ADAMTS6: variants seen among roughly 807,000 people sequenced by gnomAD.
ADAMTS6 encodes ADAM metallopeptidase with thrombospondin type 1 motif 6, also known as A disintegrin and metalloproteinase with thrombospondin motifs 6.
In ADAMTS6, 23 loss-of-function variants were observed where a neutral mutation model predicts 144.3. The ratio of observed to expected loss-of-function variants is 0.16; its 90% CI spans 0.11 to 0.23. ADAMTS6 has a LOEUF of 0.23. Among genes scored for constraint, ADAMTS6 ranks in the 10% least tolerant of loss-of-function variants. ADAMTS6 has a pLI of 1.00. For missense variants in ADAMTS6, 999 were observed against 1,379.6 expected (o/e 0.72, Z 4.37); for synonymous variants, 444 against 457.5 (o/e 0.97, Z 0.38).
chr5:65,445,654 T>C (rs995554283), intron 7 of ADAMTS6, among the ~76,000 whole-genome samples: 3 of 152,104 alleles, frequency 2.0e-5, no homozygotes, highest in Non-Finnish European at 4.4e-5. Flanking sequence ...CCTCTTTCAC[T>C]CTTAAAAGTG....
chr5:65,319,033 AAAT>A (rs945033247), intron 9 of ADAMTS6, among the ~76,000 whole-genome samples: 10 of 152,120 alleles, frequency 6.6e-5, no homozygotes, highest in African/African-American at 2.4e-4. Flanking sequence ...CAAAAATTAA[AAAT>A]AAGGATGTGA....
At chr5:65,189,374 C>G (rs1427662813) in intron 21 of ADAMTS6, among the ~76,000 whole-genome samples, 3 of 152,280 alleles carry the variant, frequency 2.0e-5, no homozygotes, top group East Asian at 1.9e-4. Flanking sequence ...AAAAGGGACC[C>G]TTTCCTTTCT....
chr5:65,345,259 A>G (rs893850462), intron 7 of ADAMTS6, among the ~76,000 whole-genome samples: 1 of 151,714 alleles, frequency 6.6e-6, no homozygotes, highest in African/African-American at 2.4e-5. Flanking sequence ...TCCATTTCCC[A>G]ATTCACAGAA....
chr5:65,234,527 G>A (rs757815416), intron 15 of ADAMTS6, among the ~76,000 whole-genome samples: 1 of 151,180 alleles, frequency 6.6e-6, no homozygotes, highest in Non-Finnish European at 1.5e-5. Context: ...TAATCATCAG[G>A]GAAATGCAAA....
chr5:65,401,587 AC>A (rs1224426334), intron 7 of ADAMTS6, among the ~76,000 whole-genome samples: 1 of 152,156 alleles, frequency 6.6e-6, no homozygotes, highest in Non-Finnish European at 1.5e-5. Context: ...TTTAACTCTT[AC>A]ACTTGTCCAC....
At chr5:65,349,691 C>T (rs1748668120) in intron 7 of ADAMTS6, among the ~76,000 whole-genome samples, 2 of 151,946 alleles carry the variant, frequency 1.3e-5, no homozygotes, top group South Asian at 2.1e-4. Context: ...CCCATCTCCA[C>T]TAAAAATACA....
intron 14 of ADAMTS6, among the ~76,000 whole-genome samples, chr5:65,254,469 A>G (rs1380758260): frequency 6.6e-6 from 1 of 152,252 alleles, no homozygotes; most frequent in Non-Finnish European, 1.5e-5. Flanking sequence ...GTAAGATTTT[A>G]TCTTTTTAAA....
intron 20 of ADAMTS6, among the ~76,000 whole-genome samples, chr5:65,207,845 T>C (rs1351326429): frequency 6.6e-6 from 1 of 152,272 alleles, no homozygotes; most frequent in Non-Finnish European, 1.5e-5. Flanking sequence ...CTACTCATTT[T>C]AGCTCTGTAT....
chr5:65,368,300 A>G (rs1242031149), intron 7 of ADAMTS6, among the ~76,000 whole-genome samples: 1 of 152,224 alleles, frequency 6.6e-6, no homozygotes, highest in Non-Finnish European at 1.5e-5. Context: ...GATGCTATTC[A>G]AAGCACACTT....
intron 7 of ADAMTS6, among the ~76,000 whole-genome samples, chr5:65,429,715 G>A (rs1031157683): frequency 4.0e-5 from 6 of 151,876 alleles, no homozygotes; most frequent in Non-Finnish European, 7.4e-5. Context: ...TAACAGTACA[G>A]CATTAAAATT....
At chr5:65,348,068 T>C (rs1207853946) in intron 7 of ADAMTS6, among the ~76,000 whole-genome samples, 4 of 151,934 alleles carry the variant, frequency 2.6e-5, no homozygotes, top group African/African-American at 7.3e-5. Flanking sequence ...TGCTACACTG[T>C]TAGTGAGAAT....
rs1386564650 is a variant in ADAMTS6, at chr5:65,231,998, C to A, written c.1934-5779G>T. Among the ~76,000 whole-genome samples the A allele has an allele frequency of 2.0e-5, 3 of 152,046 alleles. No individual in the cohort carries two copies. The East Asian group carries it at 5.8e-4, about 29-fold the overall frequency. On this transcript the variant is annotated intron_variant, in intron 15 of 24. Transcript: ENST00000381055. The stretch of plus-strand genomic sequence containing the variant: ...TGGTGGTACATGTCTGTAATCCCAG[C>A]TACTCGGGAGGCTGAGGCAGGAGAA...
intron 3 of ADAMTS6, among the ~76,000 whole-genome samples, chr5:65,470,207 A>G (rs975621021): frequency 6.6e-6 from 1 of 152,170 alleles, no homozygotes; most frequent in African/African-American, 2.4e-5. Context: ...TACAGACATG[A>G]GCCACCTCAC....
intron 15 of ADAMTS6, among the ~76,000 whole-genome samples, chr5:65,234,754 G>A (rs1433600208): frequency 6.6e-6 from 1 of 152,088 alleles, no homozygotes; most frequent in African/African-American, 2.4e-5. Context: ...TCCCACTTCT[G>A]GGTATATATC....
intron 22 of ADAMTS6, among the ~76,000 whole-genome samples, chr5:65,174,398 T>C (rs1054515469): frequency 1.3e-5 from 2 of 152,194 alleles, no homozygotes; most frequent in Non-Finnish European, 2.9e-5. Context: ...TATGGGGCAC[T>C]CCAGCCAGCT....
At chr5:65,335,382 A>G (rs1290646523) in intron 7 of ADAMTS6, among the ~76,000 whole-genome samples, 1 of 152,158 alleles carries the variant, frequency 6.6e-6, no homozygotes, top group African/African-American at 2.4e-5. Flanking sequence ...TAGAGAGGGT[A>G]CCAGTGTACT....
chr5:65,242,647 T>C (rs1417501535), intron 14 of ADAMTS6, among the ~76,000 whole-genome samples: 1 of 152,248 alleles, frequency 6.6e-6, no homozygotes, highest in Non-Finnish European at 1.5e-5. Flanking sequence ...GCACTATTAA[T>C]TGTGGTTTGG....
chr5:65,160,385 C>T (rs1348975544), intron 24 of ADAMTS6, among the ~76,000 whole-genome samples: 1 of 151,406 alleles, frequency 6.6e-6, no homozygotes, highest in South Asian at 2.1e-4. Flanking sequence ...CGGCTCACTG[C>T]AAGCTCCGCC....
At chr5:65,348,044 G>C (rs926277831) in intron 7 of ADAMTS6, among the ~76,000 whole-genome samples, 2 of 152,084 alleles carry the variant, frequency 1.3e-5, no homozygotes, top group Non-Finnish European at 2.9e-5. Context: ...AGAAGATGTA[G>C]AGAAAGGGAG....
Sources: gnomAD v4.1 joint callset for allele counts (sites outside exome capture counted in the v4.1 genomes callset) on GRCh38, gnomAD v4.1.1 for gene constraint, MANE v1.5 for transcripts, NCBI Gene and HGNC (gene_info 2026-07-23, HGNC 2026-07-21) for gene names.